MAST4: variants seen among roughly 807,000 people sequenced by gnomAD.
MAST4 encodes the protein microtubule-associated serine/threonine-protein kinase 4.
Under a neutral mutation model 162.7 loss-of-function variants are expected in MAST4, and 89 were observed. The ratio of observed to expected loss-of-function variants is 0.55; its 90% confidence interval spans 0.46 to 0.65. The LOEUF is 0.65. Ranked by LOEUF, MAST4 falls within the 30% of genes least tolerant of loss-of-function variation. MAST4 has a pLI of 0.00. For synonymous variants in MAST4, 1,479 were observed against 1,361.1 expected, an observed-to-expected ratio of 1.09 and a Z score of -1.91; for missense variants, 3,153 against 3,374.0, an observed-to-expected ratio of 0.93 and a Z score of 1.62.
At chr5:66,756,137 T>C (rs1247973770) in intron 1 of MAST4, among the ~76,000 whole-genome samples, 1 of 152,206 alleles carries the variant, frequency 6.6e-6, no homozygotes, top group Non-Finnish European at 1.5e-5. Flanking sequence ...CCCTCACTTG[T>C]AGGTGGTGTC....
At chr5:67,040,060 G>T (rs1222989769) in intron 4 of MAST4, among the ~76,000 whole-genome samples, 1 of 151,640 alleles carries the variant, frequency 6.6e-6, no homozygotes, top group Admixed American at 6.6e-5. Flanking sequence ...GGCCAAATTT[G>T]CTTTCTGACG....
chr5:66,665,648 AT>A (rs766238716), intron 1 of MAST4, among the ~76,000 whole-genome samples: 4 of 152,204 alleles, frequency 2.6e-5, no homozygotes, highest in Admixed American at 6.5e-5. Flanking sequence ...TAGTGGTAGT[AT>A]TTGAACTACA....
chr5:67,025,892 G>C (rs1437165433), intron 4 of MAST4, among the ~76,000 whole-genome samples: 5 of 152,192 alleles, frequency 3.3e-5, no homozygotes, highest in African/African-American at 9.6e-5. Flanking sequence ...CTTTAAAGGA[G>C]TCTGTATCTG....
intron 7 of MAST4, among the ~76,000 whole-genome samples, chr5:67,099,415 T>G (rs1256914791): frequency 1.3e-5 from 2 of 152,096 alleles, no homozygotes. Context: ...ATAGGAATAA[T>G]TTTTAAGCTT....
chr5:67,061,514 G>GTT (rs1554090129), intron 5 of MAST4, among the ~76,000 whole-genome samples: 3 of 144,020 alleles, frequency 2.1e-5, no homozygotes, highest in Admixed American at 6.9e-5. Flanking sequence ...TAACAGTGAG[G>GTT]GTTTTTTTTT....
chr5:66,600,481 A>G (rs1190560314), intron 1 of MAST4, among the ~76,000 whole-genome samples: 1 of 152,256 alleles, frequency 6.6e-6, no homozygotes, highest in East Asian at 1.9e-4. Context: ...TGTCTCAGCA[A>G]ACTGGCCGAG....
At chr5:66,777,014 T>C (rs1234539358) in intron 2 of MAST4, among the ~76,000 whole-genome samples, 1 of 152,206 alleles carries the variant, frequency 6.6e-6, no homozygotes. Context: ...GCACAAATTC[T>C]GTGTTCAGTT....
At chr5:66,949,020 G>A (rs1744365276) in intron 4 of MAST4, among the ~76,000 whole-genome samples, 2 of 152,032 alleles carry the variant, frequency 1.3e-5, no homozygotes, top group South Asian at 4.1e-4. Context: ...ATGCCAAAAG[G>A]TAAGCTGGAG....
chr5:66,939,444 T>C (rs1011207764), intron 4 of MAST4, among the ~76,000 whole-genome samples: 9 of 152,240 alleles, frequency 5.9e-5, no homozygotes, highest in Non-Finnish European at 1.2e-4. Context: ...CCAATTTCTG[T>C]GTAAAGTGAT....
chr5:67,052,496 T>C (rs562752719), intron 4 of MAST4, among the ~76,000 whole-genome samples: 1 of 152,260 alleles, frequency 6.6e-6, no homozygotes, highest in African/African-American at 2.4e-5. Context: ...TTTTGCCTAT[T>C]GTGGTAGTGT....
intron 1 of MAST4, among the ~76,000 whole-genome samples, chr5:66,723,739 T>A (rs1160572191): frequency 6.6e-6 from 1 of 152,218 alleles, no homozygotes; most frequent in African/African-American, 2.4e-5. Context: ...TCCTTTTTAC[T>A]TTTTAATCAG....
At chr5:66,858,661 A>C (rs909409025) in intron 3 of MAST4, among the ~76,000 whole-genome samples, 10 of 152,238 alleles carry the variant, frequency 6.6e-5, no homozygotes, top group African/African-American at 2.4e-4. Flanking sequence ...ATTTTTGGCT[A>C]TTTATGCTTT....
intron 15 of MAST4, among the ~76,000 whole-genome samples, 187 bp downstream of exon 15, chr5:67,130,605 A>G (rs1203290154): frequency 6.6e-6 from 1 of 152,166 alleles, no homozygotes; most frequent in African/African-American, 2.4e-5. Flanking sequence ...CTCTACTATA[A>G]CAAAGAGAAA....
rs1044814840 is a variant in MAST4, at chr5:66,691,347, T to TA, written c.364-68361dup. On this transcript the variant is annotated intron_variant, in intron 1 of 28. Transcript: ENST00000403625. ...ACTTTTTCAAGTGTCTTAACTCCCC[T>TA]AGGGTTTTTGCCAACGCCAAAGAAA... Among the ~76,000 whole-genome samples, 3 of 152,326 alleles carry TA rather than the reference T, an allele frequency of 2.0e-5. No homozygotes were observed. The East Asian group carries it at 5.8e-4, about 29-fold the overall frequency.
At chr5:66,746,178 G>A (rs1041662036) in intron 1 of MAST4, among the ~76,000 whole-genome samples, 5 of 152,090 alleles carry the variant, frequency 3.3e-5, no homozygotes, top group Non-Finnish European at 4.4e-5. Context: ...AAAAATTGCC[G>A]CCATAGAAAC....
intron 1 of MAST4, among the ~76,000 whole-genome samples, chr5:66,635,977 G>A (rs1345512407): frequency 2.5e-5 from 1 of 39,456 alleles, no homozygotes; most frequent in Non-Finnish European, 4.8e-5. Context: ...TTTTTTTTTC[G>A]AGACAGAGTC....
intron 12 of MAST4, 145 bp from the exon 13 acceptor site, chr5:67,118,536 TA>T (rs1561677252): frequency 1.7e-6 from 1 of 594,618 alleles, no homozygotes; most frequent in African/African-American, 1.9e-5. Context: ...TGCCTTTTTT[TA>T]GATTTAAGAT....
chr5:67,165,920 G>A lies in MAST4; in HGVS notation c.6741G>A (p.Pro2247=), dbSNP rs199715358. The A allele has an allele frequency of 7.1e-5, 114 of 1,613,362 alleles. No homozygotes were observed. In the African/African-American group the frequency reaches 1.1e-3, roughly 16 times the overall value. Residue 2247 remains proline, a synonymous_variant, in exon 29 of 29, where the codon CCG becomes CCA. Coordinates refer to ENST00000403625, the MANE Select transcript of MAST4 (RefSeq NM_001164664.2). ...REGKGHSKSG[P]DVFPATPGSQ... is the part of the protein sequence containing the mutation. ...GGAAGGGCCACAGTAAGAGTGGGCC[G>A]GATGTGTTTCCTGCTACCCCAGGCT...
At chr5:67,149,319 C>T in intron 23 of MAST4, 70 bp from the exon 24 acceptor site, 1 of 1,397,948 alleles carries the variant, frequency 7.2e-7, no homozygotes, top group Non-Finnish European at 9.9e-7. Context: ...TGCTGTCTCT[C>T]TCTTCCCGTC....
Sources: gnomAD v4.1 joint callset for allele counts (sites outside exome capture counted in the v4.1 genomes callset) on GRCh38, gnomAD v4.1.1 for gene constraint, MANE v1.5 for transcripts, NCBI Gene and HGNC (gene_info 2026-07-23, HGNC 2026-07-21) for gene names.